The following VPS13A variants were observed in gnomAD, a reference collection of about 807,000 sequenced individuals.
VPS13A encodes the protein intermembrane lipid transfer protein VPS13A.
VPS13A carries 264 observed loss-of-function variants against 390.9 expected under a neutral mutation model. The observed-to-expected ratio is 0.68, with a 90% CI of 0.61 to 0.75. The LOEUF is 0.75. Ranked by LOEUF, VPS13A falls within the 30% of genes least tolerant of loss-of-function variation. The pLI is 0.00. For missense variants in VPS13A, 3,409 were observed against 3,733.9 expected (o/e 0.91, Z 2.27); for synonymous variants, 1,231 against 1,227.1 (o/e 1.00, Z -0.07).
rs747767269 is a variant in VPS13A, at chr9:77,315,220, A to G, written c.4413-33A>G. On this transcript the variant is annotated intron_variant, in intron 37 of 71. Transcript: ENST00000360280. ...ATGTTTGATTACTTCTAAGTTACTC[A>G]TACATAGGAATTGTTGTTATTGTGT... is the stretch of plus-strand genomic sequence containing the variant. 9.5e-6 allele frequency: 15 copies of G among 1,580,224 alleles called. No individual in the cohort carries two copies. The South Asian group carries it at 1.7e-4, about 17-fold the overall frequency.
intron 13 of VPS13A, among the ~76,000 whole-genome samples, chr9:77,225,295 A>T (rs562141727): frequency 2.6e-4 from 40 of 152,274 alleles, no homozygotes; most frequent in African/African-American, 9.6e-4. Context: ...TTTGAGACAG[A>T]GTCTTGCTTT....
chr9:77,310,975 G>T (rs561263592), intron 35 of VPS13A, among the ~76,000 whole-genome samples: 1 of 151,772 alleles, frequency 6.6e-6, no homozygotes, highest in South Asian at 2.1e-4. Flanking sequence ...ACCCAGGCTG[G>T]AGTGTAGTGG....
At chr9:77,186,105 G>A (rs1295569266) in intron 1 of VPS13A, among the ~76,000 whole-genome samples, 1 of 152,138 alleles carries the variant, frequency 6.6e-6, no homozygotes, top group South Asian at 2.1e-4. Flanking sequence ...GCGACAGTGC[G>A]AAACTCTGTC....
intron 52 of VPS13A, 80 bp from the exon 53 acceptor site, chr9:77,351,237 A>G: frequency 6.4e-7 from 1 of 1,553,384 alleles, no homozygotes; most frequent in Non-Finnish European, 8.8e-7. Context: ...CTAAGAATTA[A>G]TGAAGTATTA....
At chr9:77,263,470 T>G (rs1287011243) in intron 23 of VPS13A, among the ~76,000 whole-genome samples, 1 of 152,176 alleles carries the variant, frequency 6.6e-6, no homozygotes, top group Non-Finnish European at 1.5e-5. Context: ...CATTGTTGTT[T>G]TGATTTGCAT....
At chr9:77,404,288 A>G (rs1370078393) in intron 69 of VPS13A, among the ~76,000 whole-genome samples, 1 of 152,140 alleles carries the variant, frequency 6.6e-6, no homozygotes, top group African/African-American at 2.4e-5. Flanking sequence ...TTTAATGTAG[A>G]TGAAATTCTC....
Position 77,345,072 on chromosome 9 carries a change from T to A in VPS13A, c.7219T>A (p.Tyr2407Asn), listed in dbSNP as rs1373178179. 3 of 1,613,140 alleles carry A rather than the reference T, an allele frequency of 1.9e-6. No homozygotes were observed. Among genetic ancestry groups the A allele is most frequent in the Non-Finnish European group, 2.5e-6 (3 of 1,179,776 alleles). ...TTCTACAGTTATTACATTTTTAGAT[T>A]ATCATGATGGAGCAGCTACATTCCT... Reference protein sequence around the residue: ...EHSTVITFLDYHDGAATFLLI... With the variant: ...EHSTVITFLDNHDGAATFLLI... Residue 2407 changes from tyrosine (Y) to asparagine (N), a missense_variant, in exon 52 of 72, where the codon TAT becomes AAT. Coordinates refer to ENST00000360280, the MANE Select transcript of VPS13A (RefSeq NM_033305.3).
chr9:77,201,474 T>C (rs780525040), intron 3 of VPS13A, 67 bp downstream of exon 3: 15 of 1,248,892 alleles, frequency 1.2e-5, no homozygotes, highest in Non-Finnish European at 1.8e-5. Context: ...TTGCCTAATA[T>C]ATCTATTATG....
chr9:77,206,091 A>G lies in VPS13A; in HGVS notation c.385+12A>G. Reference sequence around the variant, plus strand: ...AGTAGTTGATCAAGGTAAAGAAAACAGTAAATAACAATGCTAATAAGAGAA... The same window carrying G: ...AGTAGTTGATCAAGGTAAAGAAAACGGTAAATAACAATGCTAATAAGAGAA... On this transcript the variant is annotated intron_variant, in intron 5 of 71. Coordinates refer to ENST00000360280, the MANE Select transcript of VPS13A (RefSeq NM_033305.3). The G allele has an allele frequency of 6.7e-7, 1 of 1,493,104 alleles. No individual in the cohort carries two copies. The highest frequency in any genetic ancestry group is 9.1e-7 in the Non-Finnish European group (1 of 1,102,240). 92.5% of individuals were successfully genotyped at this position (1,493,104 alleles called of 1,614,324 possible). A position where few individuals can be genotyped will look rare whatever the true frequency, so the allele number is the denominator to read the frequency against.
chr9:77,307,888 T>G, intron 34 of VPS13A, 57 bp from the exon 35 acceptor site: 1 of 1,406,202 alleles, frequency 7.1e-7, no homozygotes, highest in African/African-American at 1.4e-5. Context: ...TTAACTGCAG[T>G]TAAATTCTGC....
chr9:77,360,781 C>T, intron 59 of VPS13A, 140 bp downstream of exon 59: 1 of 634,720 alleles, frequency 1.6e-6, no homozygotes, highest in Non-Finnish European at 2.6e-6. Context: ...TGGTACATAC[C>T]TTTTTAGAAA....
intron 45 of VPS13A, among the ~76,000 whole-genome samples, chr9:77,325,291 A>G (rs1426137620): frequency 6.6e-6 from 1 of 151,720 alleles, no homozygotes; most frequent in Non-Finnish European, 1.5e-5. Context: ...CGTGCAGCCC[A>G]CTTCTTAACA....
rs928623968 is a variant in VPS13A at position 77,267,095 on chromosome 9, A to T, written c.2428-6185A>T. 1.2e-4 allele frequency among the ~76,000 whole-genome samples: 18 copies of T among 152,082 alleles called. No individual in the cohort carries two copies. The East Asian group carries it at 2.9e-3, about 25-fold the overall frequency. ...TTTTCAACACTCTTAGGTTCATTGC[A>T]TTGGGTTAGAACATACTGCTTTAGC... On this transcript the variant is annotated intron_variant, in intron 23 of 71. Coordinates refer to ENST00000360280, the MANE Select transcript of VPS13A (RefSeq NM_033305.3).
At chr9:77,382,779 G>T in intron 68 of VPS13A, 1 of 985,564 alleles carries the variant, frequency 1.0e-6, no homozygotes, top group Non-Finnish European at 1.2e-6. Flanking sequence ...TTGATAAGCA[G>T]TTCACATGCA....
intron 7 of VPS13A, 29 bp downstream of exon 7, chr9:77,210,704 A>G (rs779057916): frequency 6.2e-7 from 1 of 1,602,654 alleles, no homozygotes; most frequent in Non-Finnish European, 8.5e-7. Context: ...AATCTTAACC[A>G]TATTTAATGT....
chr9:77,206,517 G>A (rs1564629648), intron 5 of VPS13A, among the ~76,000 whole-genome samples: 2 of 151,914 alleles, frequency 1.3e-5, no homozygotes, highest in African/African-American at 4.8e-5. Flanking sequence ...GCCTCTATCT[G>A]TTTATTTACC....
At chr9:77,356,920 T>C (rs180933837) in intron 55 of VPS13A, 53 bp downstream of exon 55, 3 of 1,597,590 alleles carry the variant, frequency 1.9e-6, no homozygotes, top group Non-Finnish European at 2.6e-6. Context: ...TGTCGTAGTT[T>C]GGTGAATCAC....
rs766370355 is a variant in VPS13A at position 77,403,280 on chromosome 9, T to C, written c.9234T>C (p.His3078=). 3 of 1,612,520 alleles carry C rather than the reference T, an allele frequency of 1.9e-6. No homozygotes were observed. The Admixed American group carries it at 5.0e-5, about 27-fold the overall frequency. Residue 3078 remains histidine, a synonymous_variant, in exon 69 of 72, where the codon CAT becomes CAC. Coordinates refer to ENST00000360280, the MANE Select transcript of VPS13A (RefSeq NM_033305.3). ...GRFAKYKYFT[H]VMINKTDMLM... ...TTGCAAAATACAAATATTTTACCCATGTCATGATCAATAAGACAGATATGC... is the reference window on the plus strand; with the variant it reads ...TTGCAAAATACAAATATTTTACCCACGTCATGATCAATAAGACAGATATGC...
At chr9:77,339,441 A>G (rs984600306) in intron 47 of VPS13A, 75 bp from the exon 48 acceptor site, 7 of 1,387,560 alleles carry the variant, frequency 5.0e-6, no homozygotes, top group Non-Finnish European at 6.8e-6. Flanking sequence ...CATTTGGAAT[A>G]CATAAATAGA....
Sources: allele counts gnomAD v4.1 joint callset (sites outside exome capture counted in the v4.1 genomes callset), GRCh38; gene constraint gnomAD v4.1.1; transcripts MANE v1.5; gene names NCBI Gene and HGNC (gene_info 2026-07-23, HGNC 2026-07-21).